The following CDK5RAP2 variants were observed in gnomAD, a reference collection of about 807,000 sequenced individuals.
CDK5RAP2 encodes CDK5 regulatory subunit associated protein 2, also known as CDK5 regulatory subunit-associated protein 2.
A neutral mutation model predicts 232.9 loss-of-function variants in CDK5RAP2; 147 were observed. The observed-to-expected ratio is 0.63, with a 90% CI of 0.55 to 0.72. The LOEUF (loss-of-function observed/expected upper bound fraction) is 0.72, where lower values mean the gene tolerates loss of function less well. Ranked by LOEUF, CDK5RAP2 falls within the 30% of genes least tolerant of loss-of-function variation. CDK5RAP2 has a pLI of 0.00. For synonymous variants in CDK5RAP2, 833 were observed against 833.7 expected (o/e 1.00, Z 0.01); for missense variants, 2,195 against 2,231.5 (o/e 0.98, Z 0.33).
intron 4 of CDK5RAP2, among the ~76,000 whole-genome samples, chr9:120,550,368 T>C (rs955839399): frequency 6.6e-6 from 1 of 152,200 alleles, no homozygotes; most frequent in Admixed American, 6.5e-5. Flanking sequence ...TTTTAATTCA[T>C]ACAAATAACC....
intron 4 of CDK5RAP2, among the ~76,000 whole-genome samples, chr9:120,547,280 G>A (rs1015782441): frequency 1.2e-4 from 18 of 151,666 alleles, no homozygotes; most frequent in Admixed American, 7.2e-4. Flanking sequence ...GTGAGCCACC[G>A]CATCCGGCCA....
chr9:120,496,990 A>G lies in CDK5RAP2; in HGVS notation c.1312-5513T>C, dbSNP rs1336851091. On this transcript the variant is annotated intron_variant, in intron 12 of 37. Coordinates refer to ENST00000349780, the MANE Select transcript of CDK5RAP2 (RefSeq NM_018249.6). ...GAAAGGCGGGAAAGGTGGGGAAAAG[A>G]TTGAGAAATCGGATGGTTGCCGTGT... is the stretch of plus-strand genomic sequence containing the variant. 3.6e-5 allele frequency among the ~76,000 whole-genome samples: 5 copies of G among 137,902 alleles called. 1 individual carries two copies. Among genetic ancestry groups the G allele is most frequent in the Non-Finnish European group, 7.5e-5 (5 of 66,404 alleles). The allele number at this position is 137,902 out of a possible 152,430, so 90.5% of individuals were successfully genotyped here.
intron 14 of CDK5RAP2, among the ~76,000 whole-genome samples, chr9:120,477,657 C>T (rs2038088234): frequency 6.6e-6 from 1 of 152,196 alleles, no homozygotes; most frequent in Non-Finnish European, 1.5e-5. Flanking sequence ...CATCCCAGAA[C>T]AAAGCAGAGA....
chr9:120,545,156 G>A (rs1355844433), intron 5 of CDK5RAP2, among the ~76,000 whole-genome samples: 1 of 152,056 alleles, frequency 6.6e-6, no homozygotes, highest in African/African-American at 2.4e-5. Flanking sequence ...CATTTACTGT[G>A]GCTGAAGCCC....
At chr9:120,443,072 A>C (rs936266624) in intron 23 of CDK5RAP2, among the ~76,000 whole-genome samples, 2 of 152,180 alleles carry the variant, frequency 1.3e-5, no homozygotes, top group Non-Finnish European at 2.9e-5. Flanking sequence ...TATGCTTCTA[A>C]TACTTCATAA....
At chr9:120,494,569 G>A (rs764283195) in intron 12 of CDK5RAP2, among the ~76,000 whole-genome samples, 4 of 152,000 alleles carry the variant, frequency 2.6e-5, no homozygotes, top group Non-Finnish European at 5.9e-5. Context: ...AACTTATAGA[G>A]TAAAACAGTA....
rs182589266 is a variant in CDK5RAP2 at position 120,531,055 on chromosome 9, C to G, written c.663-915G>C. 1.8e-3 allele frequency among the ~76,000 whole-genome samples: 267 copies of G among 152,090 alleles called. 1 individual carries two copies. Among genetic ancestry groups the G allele is most frequent in the Middle Eastern group, 6.8e-3 (2 of 294 alleles). On this transcript the variant is annotated intron_variant, in intron 7 of 37. Coordinates refer to ENST00000349780, the MANE Select transcript of CDK5RAP2 (RefSeq NM_018249.6). ...AAATAAAAAACGGTGAAACTCCTTC[C>G]CAGGCATTCCAGGTCCTAGGTCTTA...
intron 12 of CDK5RAP2, among the ~76,000 whole-genome samples, chr9:120,506,234 A>G (rs1293335854): frequency 6.6e-6 from 1 of 152,248 alleles, no homozygotes; most frequent in Non-Finnish European, 1.5e-5. Context: ...ATGGAACAAC[A>G]AAGCCTAAAT....
Position 120,487,420 on chromosome 9 carries a change from A to T in CDK5RAP2, c.1500T>A (p.Asp500Glu), listed in dbSNP as rs1293411188. 1 of 1,606,832 alleles carries T rather than the reference A, an allele frequency of 6.2e-7. No homozygotes were observed. The highest frequency in any genetic ancestry group is 8.5e-7 in the Non-Finnish European group (1 of 1,177,566). Residue 500 changes from aspartate to glutamate, a missense_variant, in exon 14 of 38, where the codon GAT becomes GAA. Physicochemically the swap from Asp to Glu is conservative, Grantham distance 45. Coordinates refer to ENST00000349780, the MANE Select transcript of CDK5RAP2 (RefSeq NM_018249.6). ...AGCAGTTCTGCTGTATTACTTCCAA[A>T]TCTTTTTCATTGAATTTCTAATGAA... The part of the protein sequence containing the change: ...DVLLQKFNEK[D>E]LEVIQQNCYL...
At chr9:120,468,117 G>C in intron 17 of CDK5RAP2, 120 bp from the exon 18 acceptor site, 5 of 911,670 alleles carry the variant, frequency 5.5e-6, no homozygotes, top group Non-Finnish European at 8.9e-6. Context: ...GGGGAATCAG[G>C]CTGATTCTAG....
rs771901792 is a variant in CDK5RAP2, at chr9:120,400,900, T to C, written c.5308-15A>G. 2 of 1,614,106 alleles carry C rather than the reference T, an allele frequency of 1.2e-6. No homozygotes were observed. The highest frequency in any genetic ancestry group is 8.5e-7 in the Non-Finnish European group (1 of 1,180,004). ...GGGTGTGGACCCTACACGGGGGATA[T>C]GAAGGCTGTTACGTGCAGTCTTGAA... On this transcript the variant is annotated splice_polypyrimidine_tract_variant and intron_variant, in intron 34 of 37. Transcript: ENST00000349780.
intron 10 of CDK5RAP2, among the ~76,000 whole-genome samples, chr9:120,527,360 AC>A (rs975536672): frequency 2.0e-5 from 3 of 152,090 alleles, no homozygotes; most frequent in African/African-American, 7.2e-5. Flanking sequence ...GGCAGTCACT[AC>A]CCACATGTGG....
rs2033146722 is a variant in CDK5RAP2 at position 120,402,874 on chromosome 9, G to A, written c.5239C>T (p.Leu1747Phe). Residue 1747 changes from leucine to phenylalanine, a missense_variant, in exon 34 of 38, where the codon CTC becomes TTC. Transcript: ENST00000349780. ...LLKQISQGQRLLAEMDIQTQE... is the reference protein window; with the variant it reads ...LLKQISQGQRFLAEMDIQTQE... ...GTTTGAATGTCCATTTCAGCAAGGA[G>A]CCTCTGTCCCTGGCTGATCTGTTTG... is the stretch of plus-strand genomic sequence containing the variant. 1 of 1,614,120 alleles carries A rather than the reference G, an allele frequency of 6.2e-7. No individual in the cohort carries two copies. The highest frequency in any genetic ancestry group is 1.3e-5 in the African/African-American group (1 of 75,044).
intron 3 of CDK5RAP2, among the ~76,000 whole-genome samples, chr9:120,563,692 A>G (rs1017473465): frequency 2.0e-5 from 3 of 151,540 alleles, no homozygotes; most frequent in Admixed American, 2.0e-4. Flanking sequence ...ATCATTCTCA[A>G]ATCCATGTCG....
intron 9 of CDK5RAP2, 102 bp from the exon 10 acceptor site, chr9:120,528,027 T>C (rs564607856): frequency 6.9e-7 from 1 of 1,443,150 alleles, no homozygotes; most frequent in Admixed American, 1.7e-5. Context: ...TATTCTATCT[T>C]ATTCCTGTCA....
At chr9:120,413,933 C>T (rs998053446) in intron 28 of CDK5RAP2, among the ~76,000 whole-genome samples, 6 of 152,066 alleles carry the variant, frequency 3.9e-5, no homozygotes, top group South Asian at 2.1e-4. Flanking sequence ...ATGTCCCTCC[C>T]GGCTGGTAGC....
intron 3 of CDK5RAP2, among the ~76,000 whole-genome samples, chr9:120,553,607 A>G (rs2042123019): frequency 6.6e-6 from 1 of 152,202 alleles, no homozygotes; most frequent in Non-Finnish European, 1.5e-5. Flanking sequence ...GCTTGGAATG[A>G]GCCACAAAGC....
At chr9:120,496,686 T>TG (rs1337666319) in intron 12 of CDK5RAP2, among the ~76,000 whole-genome samples, 12 of 102,184 alleles carry the variant, frequency 1.2e-4, no homozygotes, top group South Asian at 7.0e-4. Context: ...GGGAGGGAGG[T>TG]GGGGGGGTCA....
At chr9:120,437,178 T>C (rs1186787540) in intron 25 of CDK5RAP2, 117 bp downstream of exon 25, 2 of 765,544 alleles carry the variant, frequency 2.6e-6, no homozygotes, top group Admixed American at 2.0e-5. Context: ...TGTCACCTCA[T>C]CAAGGCAGAG....
Sources: gnomAD v4.1 joint callset for allele counts (sites outside exome capture counted in the v4.1 genomes callset) on GRCh38, gnomAD v4.1.1 for gene constraint, MANE v1.5 for transcripts, NCBI Gene and HGNC (gene_info 2026-07-23, HGNC 2026-07-21) for gene names.